UNC80: variants seen among roughly 807,000 people sequenced by gnomAD.
The protein encoded by UNC80 is unc-80 subunit of NALCN channel complex, also known as protein unc-80 homolog.
UNC80 carries 164 observed loss-of-function variants against 384.6 expected under a neutral mutation model. The ratio of observed to expected loss-of-function variants is 0.43; its 90% CI spans 0.38 to 0.49. The LOEUF is 0.49. Among genes scored for constraint, UNC80 ranks in the 20% least tolerant of loss-of-function variants. The probability of loss-of-function intolerance (pLI) is 0.00; values close to 1 mark genes in which losing one functional copy is unlikely to be tolerated. For synonymous variants in UNC80, 1,486 were observed against 1,527.8 expected (o/e 0.97, Z 0.64); for missense variants, 3,330 against 4,143.0 (o/e 0.80, Z 5.39).
intron 31 of UNC80, 32 bp downstream of exon 31, chr2:209,913,972 G>T: frequency 1.3e-6 from 2 of 1,512,932 alleles, no homozygotes; most frequent in African/African-American, 1.4e-5. Context: ...CCCTGTGCCT[G>T]CTGCCACTGC....
At chr2:209,772,820 C>T (rs2076652099) in intron 1 of UNC80, among the ~76,000 whole-genome samples, 2 of 152,148 alleles carry the variant, frequency 1.3e-5, no homozygotes, top group South Asian at 4.1e-4. Flanking sequence ...TAATGCACCA[C>T]TTCTGACCAC....
At chr2:209,906,541 T>G (rs2088239161) in intron 29 of UNC80, among the ~76,000 whole-genome samples, 1 of 152,146 alleles carries the variant, frequency 6.6e-6, no homozygotes. Flanking sequence ...TTATCCACAC[T>G]TTATATCTAT....
chr2:209,958,094 G>A (rs34428242), intron 49 of UNC80, among the ~76,000 whole-genome samples: 9,608 of 152,084 alleles, frequency 0.063, 398 homozygotes, highest in Middle Eastern at 0.16. Context: ...CATTCCCAGG[G>A]CACTCAGAGT....
chr2:209,932,669 C>T lies in UNC80; in HGVS notation c.5995-1153C>T, dbSNP rs17749371. ...AAATACTCAACTTAACAGATATGCACTAACACTTGTTGAGTAAGTCTGCCA... is the reference window on the plus strand; with the variant it reads ...AAATACTCAACTTAACAGATATGCATTAACACTTGTTGAGTAAGTCTGCCA... On this transcript the variant is annotated intron_variant, in intron 38 of 64. Transcript: ENST00000673920. Among the ~76,000 whole-genome samples, 479 of 152,298 alleles carry T rather than the reference C, an allele frequency of 3.1e-3. 1 individual carries two copies. The highest frequency in any genetic ancestry group is 4.8e-3 in the Non-Finnish European group (325 of 68,014).
In UNC80 at chr2:209,976,432, A is replaced by C. The variant is rs2093015488; in HGVS notation, c.8772+129A>C. On this transcript the variant is annotated intron_variant, in intron 57 of 64. Coordinates refer to ENST00000673920, the MANE Select transcript of UNC80 (RefSeq NM_001371986.1). This position sits in a 1 kb window ranked among gnomAD's most constrained non-coding sequence, Gnocchi z 4.3. The stretch of plus-strand genomic sequence containing the variant: ...CCAGTTAGTAGGGCCTGTTAATACC[A>C]TGCTTGATGAGAAAACCGCCCAAAA... 1.7e-5 allele frequency: 20 copies of C among 1,201,812 alleles called. No homozygotes were observed. Among genetic ancestry groups the C allele is most frequent in the Non-Finnish European group, 2.2e-5 (19 of 866,568 alleles). The allele number at this position is 1,201,812 out of a possible 1,614,324, so 74.4% of individuals were successfully genotyped here.
intron 7 of UNC80, among the ~76,000 whole-genome samples, chr2:209,803,114 C>T (rs2078665591): frequency 1.3e-5 from 2 of 152,192 alleles, no homozygotes; most frequent in African/African-American, 4.8e-5. Flanking sequence ...TTACCTTTGT[C>T]ATATAAGGTA....
At chr2:209,972,116 A>G in intron 54 of UNC80, 85 bp from the exon 55 acceptor site, 1 of 1,464,554 alleles carries the variant, frequency 6.8e-7, no homozygotes, top group Non-Finnish European at 9.1e-7. Flanking sequence ...GCAGGGAGTC[A>G]CCGTCTCCAT....
intron 56 of UNC80, among the ~76,000 whole-genome samples, chr2:209,974,743 C>G (rs750914071): frequency 5.3e-5 from 8 of 152,176 alleles, no homozygotes; most frequent in Non-Finnish European, 8.8e-5. Flanking sequence ...AGGCATATAT[C>G]TTAATAAGTG....
intron 7 of UNC80, among the ~76,000 whole-genome samples, chr2:209,812,782 T>G (rs529768321): frequency 6.6e-6 from 1 of 152,294 alleles, no homozygotes; most frequent in South Asian, 2.1e-4. Flanking sequence ...AACATTCAAT[T>G]TGTTGAACCT....
intron 51 of UNC80, 74 bp downstream of exon 51, chr2:209,959,781 G>C: frequency 7.4e-7 from 1 of 1,354,960 alleles, no homozygotes; most frequent in East Asian, 2.5e-5. Context: ...GTGTTGGGTT[G>C]AGAGTGGGGG....
chr2:209,821,375 A>G (rs746554769), intron 13 of UNC80, among the ~76,000 whole-genome samples: 1 of 152,034 alleles, frequency 6.6e-6, no homozygotes, highest in Non-Finnish European at 1.5e-5. Context: ...GGATTGAGGG[A>G]TTACAGCTTC....
chr2:209,940,336 G>A (rs1001910652), intron 43 of UNC80, among the ~76,000 whole-genome samples: 1 of 152,066 alleles, frequency 6.6e-6, no homozygotes, highest in South Asian at 2.1e-4. Context: ...AGTGCATAGT[G>A]CATATTTTTG....
intron 5 of UNC80, among the ~76,000 whole-genome samples, chr2:209,787,984 C>A (rs2077549634): frequency 6.6e-6 from 1 of 152,100 alleles, no homozygotes; most frequent in Admixed American, 6.6e-5. Flanking sequence ...TGGGACAAGA[C>A]ATGAAGGTGG....
At chr2:209,933,800 C>T (rs924397072) in intron 38 of UNC80, 22 bp from the exon 39 acceptor site, 3 of 1,519,234 alleles carry the variant, frequency 2.0e-6, no homozygotes, top group Admixed American at 2.1e-5. Context: ...GCTTTGTGAA[C>T]TCTTCTTATA....
chr2:209,942,790 G>T (rs1050702488), intron 44 of UNC80, among the ~76,000 whole-genome samples: 4 of 151,160 alleles, frequency 2.6e-5, no homozygotes, highest in African/African-American at 9.7e-5. Flanking sequence ...AAAAGATAAG[G>T]CTCACTTAAA....
Position 209,818,427 on chromosome 2 carries a change from C to T in UNC80, c.1693+475C>T, listed in dbSNP as rs1378036406. ...ATGTGTCTCTGGGTATAATCCAAGA[C>T]AGGTTCTCATTCTGTACTTTTAACA... is the stretch of plus-strand genomic sequence containing the variant. On this transcript the variant is annotated intron_variant, in intron 11 of 64. Transcript: ENST00000673920. 2.6e-5 allele frequency among the ~76,000 whole-genome samples: 4 copies of T among 152,060 alleles called. No homozygotes were observed. The East Asian group carries it at 7.7e-4, about 29-fold the overall frequency.
At chr2:209,778,206 C>A (rs1363070809) in intron 4 of UNC80, among the ~76,000 whole-genome samples, 1 of 152,084 alleles carries the variant, frequency 6.6e-6, no homozygotes, top group Non-Finnish European at 1.5e-5. Context: ...AGTTCCAGGC[C>A]AGCCTGGCCA....
intron 29 of UNC80, among the ~76,000 whole-genome samples, chr2:209,912,331 C>A (rs1290557248): frequency 6.6e-6 from 1 of 152,056 alleles, no homozygotes; most frequent in African/African-American, 2.4e-5. Flanking sequence ...CCTCAAAGGT[C>A]AAAGAGGAAT....
chr2:209,809,440 GA>G, intron 7 of UNC80: 1 of 1,471,888 alleles, frequency 6.8e-7, no homozygotes, highest in Non-Finnish European at 9.5e-7. Context: ...TGCCTTCGCC[GA>G]CCGCTCCAAC....
Sources: allele counts gnomAD v4.1 joint callset (sites outside exome capture counted in the v4.1 genomes callset), GRCh38; gene constraint gnomAD v4.1.1; non-coding constraint Gnocchi (gnomAD v3.1); transcripts MANE v1.5; gene names NCBI Gene and HGNC (gene_info 2026-07-23, HGNC 2026-07-21).